The following AFF3 variants were observed in gnomAD, a reference collection of about 807,000 sequenced individuals.
The protein encoded by AFF3 is ALF transcription elongation factor 3.
A neutral mutation model predicts 129.7 loss-of-function variants in AFF3; 32 were observed. The observed-to-expected ratio is 0.25, with a 90% CI of 0.19 to 0.33. The LOEUF is 0.33. Ranked by LOEUF, AFF3 falls within the 10% of genes least tolerant of loss-of-function variation. The pLI is 1.00. For synonymous variants in AFF3, 644 were observed against 635.4 expected (o/e 1.01, Z -0.20); for missense variants, 1,373 against 1,592.0 (o/e 0.86, Z 2.34).
chr2:99,755,270 A>AT lies in AFF3; in HGVS notation c.922-2970dup, dbSNP rs1016331802. The stretch of plus-strand genomic sequence containing the variant: ...CTCCCTACCTTCATGATATTTTCCT[A>AT]TTTTTTTTTTTTTTTGAGCTGGAGT... On this transcript the variant is annotated intron_variant, in intron 8 of 24. Coordinates refer to ENST00000672756, the MANE Select transcript of AFF3 (RefSeq NM_001386135.1). Among the ~76,000 whole-genome samples, 988 of 132,512 alleles carry AT rather than the reference A, an allele frequency of 7.5e-3. 5 individuals carry two copies. Among genetic ancestry groups the AT allele is most frequent in the Middle Eastern group, 0.016 (4 of 250 alleles). 86.9% of individuals were successfully genotyped at this position (132,512 alleles called of 152,430 possible).
rs375905550 is a variant in AFF3 at position 99,593,309 on chromosome 2, C to T, written c.2352G>A (p.Gln784=). The T allele has an allele frequency of 1.9e-6, 3 of 1,614,108 alleles. No individual in the cohort carries two copies. Among genetic ancestry groups the T allele is most frequent in the African/African-American group, 1.3e-5 (1 of 75,034 alleles). Residue 784 remains glutamine, a synonymous_variant, in exon 15 of 25, where the codon CAG becomes CAA. Transcript: ENST00000672756. ...LLSRIPEHLP[Q]EPGVLSAPAT... ...CAGGGGCGCTCAATACCCCTGGCTC[C>T]TGGGGCAGGTGTTCTGGGATCCTGG...
intron 13 of AFF3, among the ~76,000 whole-genome samples, chr2:99,629,528 G>C (rs1188042273): frequency 1.3e-5 from 2 of 152,140 alleles, no homozygotes; most frequent in African/African-American, 4.8e-5. Context: ...TTCCTCTGTA[G>C]ACCCGATTAC....
At chr2:100,127,128 ACT>A (rs373430727) in intron 2 of AFF3, among the ~76,000 whole-genome samples, 145 of 152,230 alleles carry the variant, frequency 9.5e-4, no homozygotes, top group African/African-American at 3.3e-3. Context: ...CTAGGAGGTA[ACT>A]CTGCAATCAC....
intron 8 of AFF3, among the ~76,000 whole-genome samples, chr2:99,830,825 ATTG>A (rs1404278931): frequency 1.3e-5 from 2 of 152,234 alleles, no homozygotes; most frequent in South Asian, 2.1e-4. Flanking sequence ...CATGCTGTTT[ATTG>A]TTGTGCATCT....
chr2:100,080,222 T>C (rs983571017), intron 4 of AFF3, among the ~76,000 whole-genome samples: 2 of 152,198 alleles, frequency 1.3e-5, no homozygotes, highest in African/African-American at 2.4e-5. Flanking sequence ...GGTTTCCTTG[T>C]ATGTTTGATA....
chr2:99,840,698 A>T (rs955527485), intron 7 of AFF3, among the ~76,000 whole-genome samples: 1 of 152,182 alleles, frequency 6.6e-6, no homozygotes, highest in African/African-American at 2.4e-5. Context: ...CTCTGGAAAC[A>T]TCACCATTCT....
chr2:99,795,355 T>G (rs913056774), intron 8 of AFF3, among the ~76,000 whole-genome samples: 1 of 151,962 alleles, frequency 6.6e-6, no homozygotes, highest in Non-Finnish European at 1.5e-5. Flanking sequence ...ATGGACACAG[T>G]ATGTGGAATG....
At position 99,797,724 on chromosome 2, in the gene AFF3, G is replaced by A. The variant is rs528838185; in HGVS notation, c.921+39753C>T. Among the ~76,000 whole-genome samples the A allele has an allele frequency of 2.0e-4, 31 of 152,028 alleles. 1 individual carries two copies. The highest frequency in any genetic ancestry group is 7.0e-4 in the African/African-American group (29 of 41,470). ...TTAGGATTACAACAGATTTACTGTT[G>A]GAAACAATGCAAGTAAGAAGACAGT... is the stretch of plus-strand genomic sequence containing the variant. On this transcript the variant is annotated intron_variant, in intron 8 of 24. Transcript: ENST00000672756.
intron 16 of AFF3, among the ~76,000 whole-genome samples, chr2:99,584,280 C>A (rs1022548613): frequency 6.6e-5 from 10 of 151,494 alleles, no homozygotes; most frequent in African/African-American, 1.9e-4. Flanking sequence ...CCAGCCTGGC[C>A]AACACGGTGA....
intron 4 of AFF3, among the ~76,000 whole-genome samples, chr2:100,103,508 T>G (rs990189777): frequency 1.9e-4 from 22 of 114,526 alleles, no homozygotes; most frequent in Admixed American, 3.7e-4. Context: ...ATTTAAGAGA[T>G]AGTGGGGGGT....
chr2:99,892,069 G>A (rs531538368), intron 7 of AFF3, among the ~76,000 whole-genome samples: 6 of 152,138 alleles, frequency 3.9e-5, no homozygotes, highest in South Asian at 2.1e-4. Context: ...TGATCCGCCC[G>A]CCTTGGCCTC....
intron 13 of AFF3, among the ~76,000 whole-genome samples, chr2:99,613,649 C>A (rs1010945112): frequency 6.6e-6 from 1 of 152,090 alleles, no homozygotes; most frequent in Non-Finnish European, 1.5e-5. Context: ...ACCATAATAA[C>A]TCTAGTATTT....
chr2:99,714,031 C>T (rs187191266), intron 11 of AFF3, among the ~76,000 whole-genome samples: 14 of 152,238 alleles, frequency 9.2e-5, no homozygotes, highest in African/African-American at 1.4e-4. Context: ...CTCTCTTTTA[C>T]GACCTCTGGG....
In AFF3 at chr2:99,852,865, A is replaced by C. The variant is rs534719650; in HGVS notation, c.874-15341T>G. 1.3e-4 allele frequency among the ~76,000 whole-genome samples: 20 copies of C among 152,334 alleles called. No homozygotes were observed. In the South Asian group the frequency reaches 3.7e-3, roughly 28 times the overall value. On this transcript the variant is annotated intron_variant, in intron 7 of 24. Coordinates refer to ENST00000672756, the MANE Select transcript of AFF3 (RefSeq NM_001386135.1). ...ACTATATTAATCATAATAGGTGTAA[A>C]AGACAAAAATACAACAACGTAAATT... is the stretch of plus-strand genomic sequence containing the variant.
chr2:99,866,756 C>T (rs1483347922), intron 7 of AFF3, among the ~76,000 whole-genome samples: 1 of 151,924 alleles, frequency 6.6e-6, no homozygotes, highest in Non-Finnish European at 1.5e-5. Flanking sequence ...GCAGGCGGAT[C>T]ACCTGAGGTC....
chr2:99,593,494 C>A lies in AFF3; in HGVS notation c.2167G>T (p.Val723Leu). 6.2e-7 allele frequency: 1 copy of A among 1,613,718 alleles called. No homozygotes were observed. Among genetic ancestry groups the A allele is most frequent in the African/African-American group, 1.3e-5 (1 of 75,038 alleles). Residue 723 changes from valine (V) to leucine (L), a missense_variant, in exon 15 of 25, where the codon GTA becomes TTA. By Grantham distance (32) the Val-to-Leu change is conservative (BLOSUM62 1). Around this residue, in one of 9 missense-constraint regions of AFF3, gnomAD observed 466 missense variants for 505.0 expected, o/e 0.92. Transcript: ENST00000672756. ...GTGGTCCTGGCGTTGATGGAGCCTA[C>A]AGGGGCCCTAGGACCACTGCCCCCG... ...ANGGSGPRAP[V>L]GSINARTTSD...
At chr2:100,074,140 AG>A (rs1458603894) in intron 4 of AFF3, among the ~76,000 whole-genome samples, 1 of 152,192 alleles carries the variant, frequency 6.6e-6, no homozygotes, top group Non-Finnish European at 1.5e-5. Context: ...CAGGTGTCTC[AG>A]GCAAGGCTGC....
chr2:99,564,106 G>T (rs1675755935), intron 20 of AFF3, among the ~76,000 whole-genome samples: 1 of 152,154 alleles, frequency 6.6e-6, no homozygotes, highest in African/African-American at 2.4e-5. Context: ...TTCACAGCAG[G>T]CCCTATGGCT....
chr2:99,945,861 G>A (rs781040504), intron 7 of AFF3, among the ~76,000 whole-genome samples: 6 of 152,140 alleles, frequency 3.9e-5, no homozygotes, highest in Non-Finnish European at 7.4e-5. Context: ...CCAGCCACTC[G>A]GCACCTATCA....
Sources: allele counts gnomAD v4.1 joint callset (sites outside exome capture counted in the v4.1 genomes callset), GRCh38; gene constraint gnomAD v4.1.1; regional missense constraint gnomAD v4.1.1; transcripts MANE v1.5; gene names NCBI Gene and HGNC (gene_info 2026-07-23, HGNC 2026-07-21).